PRG4: variants seen among roughly 807,000 people sequenced by gnomAD.
PRG4 encodes articular superficial zone protein.
PRG4 carries 61 observed loss-of-function variants against 91.2 expected under a neutral mutation model. The observed-to-expected ratio is 0.67, with a 90% CI of 0.54 to 0.83. PRG4 has a LOEUF of 0.83. PRG4 is among the 40% of genes least tolerant of loss of function. PRG4 has a pLI of 0.00. For synonymous variants in PRG4, 576 were observed against 614.2 expected (o/e 0.94, Z 0.92); for missense variants, 1,564 against 1,714.2 (o/e 0.91, Z 1.55).
At chr1:186,301,768 C>G in intron 4 of PRG4, 57 bp downstream of exon 4, 1 of 1,565,312 alleles carries the variant, frequency 6.4e-7, no homozygotes, top group Non-Finnish European at 8.8e-7. Context: ...GTGCACCTAC[C>G]TTAGCATCAC....
rs1342267692 is a variant in PRG4 at position 186,307,817 on chromosome 1, A to G, written c.2098A>G (p.Thr700Ala). The change falls in exon 7 of 13, where the codon ACC (threonine) becomes GCC (alanine). Residue 700 changes from threonine to alanine, a missense_variant. By Grantham distance (58) the Thr-to-Ala change is moderately conservative. Transcript: ENST00000445192. The part of the protein sequence containing the change: ...PTTPKEPAPT[T>A]PKETAPTTPK... Reference sequence around the variant, plus strand: ...TACCCCTAAGGAGCCTGCTCCAACTACCCCTAAGGAGACTGCTCCAACTAC... The same window carrying G: ...TACCCCTAAGGAGCCTGCTCCAACTGCCCCTAAGGAGACTGCTCCAACTAC... The G allele has an allele frequency of 6.8e-6, 11 of 1,609,532 alleles. No individual in the cohort carries two copies. The South Asian group carries it at 9.9e-5, about 14-fold the overall frequency.
rs563765329 is a variant in PRG4, at chr1:186,310,269, ACT to A, written c.3499+404_3499+405del. Among the ~76,000 whole-genome samples, 42 of 152,058 alleles carry A rather than the reference ACT, an allele frequency of 2.8e-4. No individual in the cohort carries two copies. In the East Asian group the frequency reaches 4.3e-3, roughly 15 times the overall value. On this transcript the variant is annotated intron_variant, in intron 8 of 12. Coordinates refer to ENST00000445192, the MANE Select transcript of PRG4 (RefSeq NM_005807.6). ...CAATTGTGATGTGTTCAAGTGTTAC[ACT>A]CTCTGTCGGAGAGTAACAGAAGAAA...
chr1:186,300,670 A>T (rs1399047107), intron 3 of PRG4, among the ~76,000 whole-genome samples: 1 of 152,214 alleles, frequency 6.6e-6, no homozygotes, highest in Admixed American at 6.5e-5. Flanking sequence ...GGACTTTCTG[A>T]TGTTAACACG....
At position 186,306,975 on chromosome 1, in the gene PRG4, A is replaced by G. The variant is rs1462524136; in HGVS notation, c.1256A>G (p.Glu419Gly). 2.5e-6 allele frequency: 4 copies of G among 1,593,834 alleles called. No homozygotes were observed. In the African/African-American group the frequency reaches 5.9e-5, roughly 23 times the overall value. ...GAGCCTGCACCCACCACCACCAAGG[A>G]GCCTGCACCCACCACCACCAAGTCT... is the stretch of plus-strand genomic sequence containing the variant. ...PKEPAPTTTK[E>G]PAPTTTKSAP... The change falls in exon 7 of 13, where the codon GAG becomes GGG. Residue 419 changes from glutamate to glycine, a missense_variant. Transcript: ENST00000445192.
At position 186,307,664 on chromosome 1, in the gene PRG4, G is replaced by A. The variant is rs367728160; in HGVS notation, c.1945G>A (p.Ala649Thr). The change falls in exon 7 of 13, where the codon GCA (alanine) becomes ACA (threonine). Residue 649 changes from alanine (A) to threonine (T), a missense_variant. Ala to Thr is a moderately conservative substitution (Grantham distance 58, BLOSUM62 0). This residue lies in a region of PRG4 where 1,079 missense variants were observed against 1,162.2 expected (regional missense o/e 0.93). Transcript: ENST00000445192. ...KPAPTTPEELAPTTPEEPTPT... is the reference protein window; with the variant it reads ...KPAPTTPEELTPTTPEEPTPT... ...CGCACCCACCACCCCTGAGGAGCTCGCACCCACCACCCCTGAGGAGCCCAC... is the reference window on the plus strand; with the variant it reads ...CGCACCCACCACCCCTGAGGAGCTCACACCCACCACCCCTGAGGAGCCCAC... 1.9e-5 allele frequency: 29 copies of A among 1,542,554 alleles called. No homozygotes were observed. The highest frequency in any genetic ancestry group is 1.4e-4 in the African/African-American group (8 of 57,662).
At position 186,311,097 on chromosome 1, in the gene PRG4, T is replaced by C. The variant is rs372777903; in HGVS notation, c.3563T>C (p.Val1188Ala). ...PPSPARRITEVWGIPSPIDTV... is the reference protein window; with the variant it reads ...PPSPARRITEAWGIPSPIDTV... ...TCTCCAGCTCGCAGAATTACTGAAG[T>C]TTGGGGTATTCCTTCCCCCATTGAT... is the stretch of plus-strand genomic sequence containing the variant. Residue 1188 changes from valine (V) to alanine (A), a missense_variant, in exon 9 of 13, where the codon GTT becomes GCT. Physicochemically the swap from Val to Ala is moderately conservative, Grantham distance 64. Coordinates refer to ENST00000445192, the MANE Select transcript of PRG4 (RefSeq NM_005807.6). 7.4e-6 allele frequency: 12 copies of C among 1,613,548 alleles called. No individual in the cohort carries two copies. Among genetic ancestry groups the C allele is most frequent in the South Asian group, 6.6e-5 (6 of 91,072 alleles).
intron 11 of PRG4, 98 bp downstream of exon 11, chr1:186,312,470 C>A: frequency 8.5e-7 from 1 of 1,182,958 alleles, no homozygotes; most frequent in Non-Finnish European, 1.2e-6. Context: ...ACTGATCAAA[C>A]AGCCCTAATA....
Position 186,312,254 on chromosome 1 carries a change from A to G in PRG4, c.3873A>G (p.Pro1291=). Residue 1291 remains proline (P), a synonymous_variant, in exon 11 of 13, where the codon CCA becomes CCG. Coordinates refer to ENST00000445192, the MANE Select transcript of PRG4 (RefSeq NM_005807.6). ...CPGRRPALNY[P]VYGETTQVRR... Reference sequence around the variant, plus strand: ...GAAGAAGGCCTGCTCTAAATTATCCAGTGTATGGAGAAACGACACAGGTTA... The same window carrying G: ...GAAGAAGGCCTGCTCTAAATTATCCGGTGTATGGAGAAACGACACAGGTTA... 1 of 1,614,092 alleles carries G rather than the reference A, an allele frequency of 6.2e-7. No homozygotes were observed.
At chr1:186,301,856 G>A in intron 4 of PRG4, 145 bp downstream of exon 4, 2 of 1,241,732 alleles carry the variant, frequency 1.6e-6, no homozygotes, top group Non-Finnish European at 2.3e-6. Context: ...ATTTTGTTTT[G>A]TGGAGATGAA....
In PRG4 at chr1:186,299,292, G is replaced by A. The variant is rs1289230463; in HGVS notation, c.77-799G>A. Among the ~76,000 whole-genome samples the A allele has an allele frequency of 3.3e-5, 5 of 152,308 alleles. No individual in the cohort carries two copies. The East Asian group carries it at 9.6e-4, about 29-fold the overall frequency. On this transcript the variant is annotated intron_variant, in intron 2 of 12. Transcript: ENST00000445192. ...TTTTAAGGGTTCTCACTTCAGCAGT[G>A]GTTGTAAGCATCTGCCTCCCCTGAC...
Position 186,314,087 on chromosome 1 carries a change from C to A in PRG4, c.*309C>A. 2 of 1,463,060 alleles carry A rather than the reference C, an allele frequency of 1.4e-6. No homozygotes were observed. Among genetic ancestry groups the A allele is most frequent in the South Asian group, 2.3e-5 (2 of 85,442 alleles). The allele number at this position is 1,463,060 out of a possible 1,614,324, so 90.6% of individuals were successfully genotyped here. On this transcript the variant is annotated 3_prime_UTR_variant, in exon 13 of 13. Transcript: ENST00000445192. ...TTTAAGAATTCAAAACTAGTGTATTCACTTACCCTAGTTCATTATAAAAAA... is the reference window on the plus strand; with the variant it reads ...TTTAAGAATTCAAAACTAGTGTATTAACTTACCCTAGTTCATTATAAAAAA...
intron 2 of PRG4, among the ~76,000 whole-genome samples, chr1:186,298,032 G>A (rs1337707020): frequency 3.3e-5 from 5 of 152,184 alleles, no homozygotes; most frequent in African/African-American, 7.2e-5. Flanking sequence ...GATACAATTG[G>A]TTGTTCACTA....
rs375980337 is a variant in PRG4, at chr1:186,311,501, T to G, written c.3698T>G (p.Phe1233Cys). ...IKDAGYPKPI[F>C]KGFGGLTGQI... ...GATGCAGGGTACCCCAAACCAATTT[T>G]CAAAGGATTTGGAGGACTAACTGGA... Residue 1233 changes from phenylalanine (F) to cysteine (C), a missense_variant, in exon 10 of 13, where the codon TTC (phenylalanine) becomes TGC (cysteine). Phe to Cys is a radical substitution (Grantham distance 205). Transcript: ENST00000445192. 2.5e-6 allele frequency: 4 copies of G among 1,613,596 alleles called. No individual in the cohort carries two copies. In the African/African-American group the frequency reaches 5.3e-5, roughly 22 times the overall value.
chr1:186,311,335 C>A, intron 9 of PRG4, 105 bp from the exon 10 acceptor site: 2 of 1,434,040 alleles, frequency 1.4e-6, no homozygotes, highest in Non-Finnish European at 2.0e-6. Context: ...CAAAATTCAA[C>A]CGTTTAACCA....
intron 4 of PRG4, among the ~76,000 whole-genome samples, chr1:186,302,717 G>T (rs1656301218): frequency 6.6e-6 from 1 of 152,288 alleles, no homozygotes; most frequent in Admixed American, 6.5e-5. Context: ...CCTTCCTGCA[G>T]ATTTTAGCAG....
In PRG4 at chr1:186,306,991, C is replaced by A. The variant is rs532352521; in HGVS notation, c.1272C>A (p.Thr424=). ...CCACCAAGGAGCCTGCACCCACCAC[C>A]ACCAAGTCTGCACCCACCACTCCCA... ...PTTTKEPAPT[T]TKSAPTTPKE... The change falls in exon 7 of 13, where the codon ACC becomes ACA. Residue 424 remains threonine (T), a synonymous_variant. Transcript: ENST00000445192. 1 of 1,599,058 alleles carries A rather than the reference C, an allele frequency of 6.3e-7. No homozygotes were observed. The highest frequency in any genetic ancestry group is 8.5e-7 in the Non-Finnish European group (1 of 1,175,002).
intron 2 of PRG4, among the ~76,000 whole-genome samples, chr1:186,298,593 C>A (rs1656001514): frequency 1.3e-5 from 2 of 151,632 alleles, no homozygotes; most frequent in Admixed American, 6.6e-5. Flanking sequence ...GGGGTTCAAG[C>A]GATTCTCCTG....
intron 12 of PRG4, 62 bp from the exon 13 acceptor site, chr1:186,313,619 T>G (rs758081242): frequency 1.0e-6 from 1 of 964,620 alleles, no homozygotes; most frequent in Non-Finnish European, 1.7e-6. Flanking sequence ...TCAACATAAG[T>G]TATTTTTTAG....
At position 186,311,495 on chromosome 1, in the gene PRG4, C is replaced by A. The variant is rs1312865392; in HGVS notation, c.3692C>A (p.Pro1231Gln). 1 of 1,613,728 alleles carries A rather than the reference C, an allele frequency of 6.2e-7. No individual in the cohort carries two copies. The highest frequency in any genetic ancestry group is 8.5e-7 in the Non-Finnish European group (1 of 1,179,818). The stretch of plus-strand genomic sequence containing the variant: ...ATAAAAGATGCAGGGTACCCCAAAC[C>A]AATTTTCAAAGGATTTGGAGGACTA... ...NDIKDAGYPK[P>Q]IFKGFGGLTG... is the part of the protein sequence containing the mutation. The change falls in exon 10 of 13, where the codon CCA becomes CAA. Residue 1231 changes from proline (P) to glutamine (Q), a missense_variant. This residue lies in a region of PRG4 where 1,079 missense variants were observed against 1,162.2 expected (regional missense o/e 0.93). Transcript: ENST00000445192.
Sources: gnomAD v4.1 joint callset for allele counts (sites outside exome capture counted in the v4.1 genomes callset) on GRCh38, gnomAD v4.1.1 for gene constraint, gnomAD v4.1.1 regional missense constraint, MANE v1.5 for transcripts, NCBI Gene and HGNC (gene_info 2026-07-23, HGNC 2026-07-21) for gene names.